SORCS1: variants seen among roughly 807,000 people sequenced by gnomAD.
SORCS1 encodes the protein sortilin related VPS10 domain containing receptor 1.
SORCS1 carries 60 observed loss-of-function variants against 146.1 expected under a neutral mutation model. That is an observed-to-expected ratio of 0.41 (90% CI 0.33 to 0.51). The LOEUF is 0.51. Among genes scored for constraint, SORCS1 ranks in the 20% least tolerant of loss-of-function variants. The probability of loss-of-function intolerance (pLI) is 0.21; values close to 1 mark genes in which losing one functional copy is unlikely to be tolerated. For missense variants in SORCS1, 1,352 were observed against 1,487.6 expected (o/e 0.91, Z 1.50); for synonymous variants, 637 against 584.0 (o/e 1.09, Z -1.31).
chr10:106,889,395 G>A (rs1439450641), intron 2 of SORCS1, among the ~76,000 whole-genome samples: 1 of 152,170 alleles, frequency 6.6e-6, no homozygotes, highest in Non-Finnish European at 1.5e-5. Context: ...CTCATTAGAA[G>A]TATAGACTCT....
intron 1 of SORCS1, among the ~76,000 whole-genome samples, chr10:107,055,364 T>A (rs1960512073): frequency 6.6e-6 from 1 of 152,136 alleles, no homozygotes; most frequent in Non-Finnish European, 1.5e-5. Context: ...GAATAGATAG[T>A]GAGTTTAAGT....
chr10:106,748,085 G>T (rs1469106764), intron 5 of SORCS1, among the ~76,000 whole-genome samples: 1 of 151,964 alleles, frequency 6.6e-6, no homozygotes, highest in African/African-American at 2.4e-5. Context: ...TCTTATGATT[G>T]TTCAAATGTT....
chr10:106,666,796 C>A (rs868570911), intron 17 of SORCS1, among the ~76,000 whole-genome samples: 2 of 151,682 alleles, frequency 1.3e-5, no homozygotes, highest in Non-Finnish European at 2.9e-5. Context: ...ACACTCCTGA[C>A]CTCAAGTGAT....
At chr10:106,699,135 G>T in intron 9 of SORCS1, 79 bp downstream of exon 9, 1 of 1,319,820 alleles carries the variant, frequency 7.6e-7, no homozygotes. Context: ...AAAATGACCA[G>T]GAAAAGAGTC....
chr10:107,172,354 T>G, the SORCS1 span, among the ~76,000 whole-genome samples: 1 of 152,372 alleles, frequency 6.6e-6, no homozygotes, highest in South Asian at 2.1e-4. Context: ...GATCTTGGCA[T>G]GATATTAGGA....
Position 106,679,347 on chromosome 10 carries a change from G to A in SORCS1, c.1664-15C>T, listed in dbSNP as rs1448163382. 6.3e-7 allele frequency: 1 copy of A among 1,587,410 alleles called. No individual in the cohort carries two copies. Among genetic ancestry groups the A allele is most frequent in the African/African-American group, 1.3e-5 (1 of 74,204 alleles). On this transcript the variant is annotated splice_polypyrimidine_tract_variant and intron_variant, in intron 11 of 25. Coordinates refer to ENST00000263054, the MANE Select transcript of SORCS1 (RefSeq NM_052918.5). ...ACCTATATTACCTAGAAAGAGAAAG[G>A]TGCCATTAGTGAAAAGAACTTTCTG...
At chr10:106,999,078 A>G (rs1957110188) in intron 1 of SORCS1, among the ~76,000 whole-genome samples, 1 of 152,236 alleles carries the variant, frequency 6.6e-6, no homozygotes, top group Non-Finnish European at 1.5e-5. Context: ...AAATGAAGAC[A>G]GGTCCTAAAA....
chr10:107,113,304 C>T (rs989215701), intron 1 of SORCS1, among the ~76,000 whole-genome samples: 1 of 152,182 alleles, frequency 6.6e-6, no homozygotes, highest in African/African-American at 2.4e-5. Flanking sequence ...GCATTTGAGA[C>T]AAATGAAAAT....
intron 2 of SORCS1, among the ~76,000 whole-genome samples, chr10:106,940,539 T>C (rs1018585329): frequency 6.6e-6 from 1 of 152,180 alleles, no homozygotes; most frequent in Admixed American, 6.5e-5. Flanking sequence ...TGAGCAGTAA[T>C]TTATTCTCTG....
At position 106,706,303 on chromosome 10, in the gene SORCS1, G is replaced by C. The variant is rs552873210; in HGVS notation, c.1233+242C>G. Among the ~76,000 whole-genome samples, 5 of 150,178 alleles carry C rather than the reference G, an allele frequency of 3.3e-5. No homozygotes were observed. In the South Asian group the frequency reaches 1.1e-3, roughly 32 times the overall value. On this transcript the variant is annotated intron_variant, in intron 8 of 25. Coordinates refer to ENST00000263054, the MANE Select transcript of SORCS1 (RefSeq NM_052918.5). ...AAGATGAAGGAGAAAGAGAAAGAAA[G>C]AAAGAAGGAAAGAAAGAAAGGAAGA... is the stretch of plus-strand genomic sequence containing the variant.
intron 2 of SORCS1, among the ~76,000 whole-genome samples, chr10:106,928,089 C>G (rs1447081280): frequency 3.3e-5 from 5 of 152,244 alleles, no homozygotes; most frequent in African/African-American, 1.2e-4. Context: ...GCCTGCCAGT[C>G]CCGCGCCGTG....
chr10:107,042,863 G>T (rs1481587021), intron 1 of SORCS1, among the ~76,000 whole-genome samples: 1 of 152,042 alleles, frequency 6.6e-6, no homozygotes. Flanking sequence ...ACCTGCCTCG[G>T]CCTCCCAATG....
chr10:106,996,421 A>G (rs1183708275), intron 1 of SORCS1, among the ~76,000 whole-genome samples: 1 of 152,174 alleles, frequency 6.6e-6, no homozygotes, highest in Non-Finnish European at 1.5e-5. Context: ...TCATAGAATC[A>G]GATAACTACC....
At chr10:106,943,429 T>C (rs1954152168) in intron 2 of SORCS1, among the ~76,000 whole-genome samples, 1 of 152,162 alleles carries the variant, frequency 6.6e-6, no homozygotes, top group South Asian at 2.1e-4. Context: ...TCCTTCTGCC[T>C]GGACTCCAAG....
chr10:106,875,592 C>T (rs923341351), intron 2 of SORCS1, among the ~76,000 whole-genome samples: 10 of 152,114 alleles, frequency 6.6e-5, no homozygotes, highest in Admixed American at 2.6e-4. Flanking sequence ...AGTGTATAAG[C>T]GTTCCCCTTT....
At chr10:107,070,304 C>T (rs1007496588) in intron 1 of SORCS1, among the ~76,000 whole-genome samples, 12 of 151,926 alleles carry the variant, frequency 7.9e-5, no homozygotes, top group African/African-American at 2.4e-4. Flanking sequence ...GTTTTCAGCT[C>T]TTTGGTGTAC....
At chr10:106,995,295 C>CA (rs1281910830) in intron 1 of SORCS1, among the ~76,000 whole-genome samples, 1 of 138,448 alleles carries the variant, frequency 7.2e-6, no homozygotes, top group Non-Finnish European at 1.5e-5. Flanking sequence ...GCCTGGGAGA[C>CA]AGAGCGAGAC....
intron 1 of SORCS1, among the ~76,000 whole-genome samples, chr10:107,036,338 T>C (rs1213378179): frequency 6.6e-6 from 1 of 152,208 alleles, no homozygotes; most frequent in African/African-American, 2.4e-5. Context: ...ACCATTTACA[T>C]AAGGACTTGA....
At chr10:106,821,329 T>C (rs1186687836) in intron 3 of SORCS1, among the ~76,000 whole-genome samples, 2 of 152,228 alleles carry the variant, frequency 1.3e-5, no homozygotes, top group Non-Finnish European at 2.9e-5. Flanking sequence ...AAAAGCATTA[T>C]CTAAACTTAG....
Sources: gnomAD v4.1 joint callset for allele counts (sites outside exome capture counted in the v4.1 genomes callset) on GRCh38, gnomAD v4.1.1 for gene constraint, MANE v1.5 for transcripts, NCBI Gene and HGNC (gene_info 2026-07-23, HGNC 2026-07-21) for gene names.